The following ZCCHC7 variants were observed in gnomAD, a reference collection of about 807,000 sequenced individuals.
ZCCHC7 encodes zinc finger CCHC domain-containing protein 7.
Under a neutral mutation model 52.0 loss-of-function variants are expected in ZCCHC7, and 35 were observed. That is an observed-to-expected ratio of 0.67 (90% confidence interval 0.51 to 0.89). The LOEUF (loss-of-function observed/expected upper bound fraction) is 0.89, where lower values mean the gene tolerates loss of function less well. Among genes scored for constraint, ZCCHC7 ranks in the 40% least tolerant of loss-of-function variants. The pLI, the probability that ZCCHC7 is intolerant of heterozygous loss-of-function variation, is 0.00. For synonymous variants in ZCCHC7, 217 were observed against 221.5 expected (o/e 0.98, Z 0.18); for missense variants, 574 against 649.1 (o/e 0.88, Z 1.26).
chr9:37,256,163 G>A (rs1445043654), intron 2 of ZCCHC7, among the ~76,000 whole-genome samples: 2 of 152,118 alleles, frequency 1.3e-5, no homozygotes, highest in African/African-American at 4.8e-5. Flanking sequence ...TGAGTCAGCA[G>A]AATTTATAAA....
At position 37,172,189 on chromosome 9, in the gene ZCCHC7, T is replaced by C. The variant is rs537667174; in HGVS notation, c.610+45247T>C. On this transcript the variant is annotated intron_variant, in intron 2 of 8. Coordinates refer to ENST00000336755, the MANE Select transcript of ZCCHC7 (RefSeq NM_032226.3). ...TACATGTTATTTCGTTTAGATTCTTTATGCACACCTTGACTAAGTTTTAAA... is the reference window on the plus strand; with the variant it reads ...TACATGTTATTTCGTTTAGATTCTTCATGCACACCTTGACTAAGTTTTAAA... Among the ~76,000 whole-genome samples, 98 of 152,350 alleles carry C rather than the reference T, an allele frequency of 6.4e-4. 3 individuals are homozygous for C. In the South Asian group the frequency reaches 0.014, roughly 22 times the overall value.
chr9:37,332,646 G>A (rs1451170113), intron 6 of ZCCHC7, among the ~76,000 whole-genome samples: 1 of 150,092 alleles, frequency 6.7e-6, no homozygotes, highest in Admixed American at 6.6e-5. Flanking sequence ...TTATTTCACT[G>A]GCATGTGGAA....
At chr9:37,214,660 A>G (rs1400747504) in intron 2 of ZCCHC7, among the ~76,000 whole-genome samples, 1 of 151,928 alleles carries the variant, frequency 6.6e-6, no homozygotes, top group Non-Finnish European at 1.5e-5. Context: ...TATTTATTAC[A>G]TTAATTTAAT....
intron 2 of ZCCHC7, among the ~76,000 whole-genome samples, chr9:37,171,575 GC>G (rs1821730418): frequency 6.6e-6 from 1 of 152,040 alleles, no homozygotes; most frequent in African/African-American, 2.4e-5. Flanking sequence ...ATGCCACCAT[GC>G]CCAGCTAATT....
intron 2 of ZCCHC7, among the ~76,000 whole-genome samples, chr9:37,196,573 TC>T (rs1458064454): frequency 6.6e-6 from 1 of 152,228 alleles, no homozygotes; most frequent in Non-Finnish European, 1.5e-5. Context: ...GTTTGATTTT[TC>T]TATTTTGTTT....
intron 2 of ZCCHC7, among the ~76,000 whole-genome samples, chr9:37,285,290 A>G (rs968646628): frequency 2.0e-5 from 3 of 152,326 alleles, no homozygotes; most frequent in African/African-American, 7.2e-5. Context: ...TGTTTAATAC[A>G]TAATTACTCA....
chr9:37,273,530 C>T (rs1827534404), intron 2 of ZCCHC7, among the ~76,000 whole-genome samples: 1 of 152,054 alleles, frequency 6.6e-6, no homozygotes, highest in Non-Finnish European at 1.5e-5. Flanking sequence ...AAAGGGTGTC[C>T]TGACACCTAC....
At chr9:37,175,306 A>G (rs1316112794) in intron 2 of ZCCHC7, among the ~76,000 whole-genome samples, 1 of 152,086 alleles carries the variant, frequency 6.6e-6, no homozygotes, top group Admixed American at 6.5e-5. Flanking sequence ...AGCACCTCCA[A>G]ACTGAGGACT....
chr9:37,122,780 T>G (rs1465683176), intron 1 of ZCCHC7, among the ~76,000 whole-genome samples: 3 of 152,136 alleles, frequency 2.0e-5, no homozygotes, highest in Non-Finnish European at 2.9e-5. Context: ...CTGCTAAGAA[T>G]ACAAAAATTA....
intron 2 of ZCCHC7, among the ~76,000 whole-genome samples, chr9:37,161,800 A>G (rs1424145728): frequency 6.6e-6 from 1 of 152,224 alleles, no homozygotes; most frequent in Non-Finnish European, 1.5e-5. Flanking sequence ...GTAAATGCCC[A>G]TCAAGAGCTA....
In ZCCHC7 at chr9:37,202,742, A is replaced by G. The variant is rs148296670; in HGVS notation, c.610+75800A>G. 1.7e-3 allele frequency among the ~76,000 whole-genome samples: 261 copies of G among 152,356 alleles called. 8 individuals are homozygous for G. In the East Asian group the frequency reaches 0.044, roughly 26 times the overall value. Reference sequence around the variant, plus strand: ...AGCGATCCTCCTGCCTTGGCCTTCCACAGTGCTGGGATTATAGGCGTAAGC... The same window carrying G: ...AGCGATCCTCCTGCCTTGGCCTTCCGCAGTGCTGGGATTATAGGCGTAAGC... On this transcript the variant is annotated intron_variant, in intron 2 of 8. Transcript: ENST00000336755.
intron 2 of ZCCHC7, among the ~76,000 whole-genome samples, chr9:37,133,991 T>TAGG (rs1325451033): frequency 1.3e-5 from 2 of 152,116 alleles, no homozygotes; most frequent in Non-Finnish European, 2.9e-5. Flanking sequence ...CCCAAAGTGG[T>TAGG]AGGATTACAG....
At chr9:37,251,811 A>C (rs1227501054) in intron 2 of ZCCHC7, among the ~76,000 whole-genome samples, 1 of 152,208 alleles carries the variant, frequency 6.6e-6, no homozygotes. Context: ...GGGTAACTAG[A>C]GAGTATCACC....
chr9:37,210,011 TTTTA>T (rs930704204), intron 2 of ZCCHC7, among the ~76,000 whole-genome samples: 2 of 152,066 alleles, frequency 1.3e-5, no homozygotes, highest in African/African-American at 4.8e-5. Context: ...CTTCCTGTTT[TTTTA>T]TTTATTTTTA....
intron 2 of ZCCHC7, among the ~76,000 whole-genome samples, chr9:37,260,490 G>A (rs10973276): frequency 0.056 from 8,482 of 152,240 alleles, 401 homozygotes; most frequent in East Asian, 0.27. Context: ...TCAAGATGGC[G>A]ACAAAGGACC....
At chr9:37,205,608 T>C (rs1292704657) in intron 2 of ZCCHC7, among the ~76,000 whole-genome samples, 1 of 152,112 alleles carries the variant, frequency 6.6e-6, no homozygotes, top group African/African-American at 2.4e-5. Flanking sequence ...CCTCCACCTC[T>C]CAGGTTCAAG....
At chr9:37,338,731 C>T (rs1008671860) in intron 6 of ZCCHC7, among the ~76,000 whole-genome samples, 8 of 152,000 alleles carry the variant, frequency 5.3e-5, no homozygotes, top group African/African-American at 1.9e-4. Flanking sequence ...TATCTGGGTA[C>T]CTTTCCCATG....
chr9:37,164,478 TAGATAGATAGATAGATAGATAGACAGACA>T (rs751282022), intron 2 of ZCCHC7, among the ~76,000 whole-genome samples: 1 of 147,372 alleles, frequency 6.8e-6, no homozygotes, highest in Non-Finnish European at 1.5e-5. Flanking sequence ...GATAGATAGA[TAGATAGATAGATAGATAGATAGACAGACA>T]AGATAGATAG....
chr9:37,139,013 T>G (rs1467449740), intron 2 of ZCCHC7, among the ~76,000 whole-genome samples: 1 of 151,994 alleles, frequency 6.6e-6, no homozygotes, highest in Non-Finnish European at 1.5e-5. Flanking sequence ...TTATTTCCCC[T>G]TCTTAGAGTA....
Sources: gnomAD v4.1 joint callset for allele counts (sites outside exome capture counted in the v4.1 genomes callset) on GRCh38, gnomAD v4.1.1 for gene constraint, MANE v1.5 for transcripts, NCBI Gene and HGNC (gene_info 2026-07-23, HGNC 2026-07-21) for gene names.